The following MPRIP variants were observed in gnomAD, a reference collection of about 807,000 sequenced individuals.
MPRIP encodes the protein myosin phosphatase Rho interacting protein, also known as myosin phosphatase Rho-interacting protein.
Under a neutral mutation model 234.9 loss-of-function variants are expected in MPRIP, and 59 were observed. The observed-to-expected ratio is 0.25, with a 90% CI of 0.20 to 0.31. The LOEUF (loss-of-function observed/expected upper bound fraction) is 0.31. MPRIP is among the 10% of genes least tolerant of loss of function. MPRIP has a pLI of 1.00. For synonymous variants in MPRIP, 1,144 were observed against 1,263.9 expected (o/e 0.91, Z 2.01); for missense variants, 2,436 against 3,071.0 (o/e 0.79, Z 4.89).
intron 5 of MPRIP, among the ~76,000 whole-genome samples, chr17:17,132,286 A>T (rs2090612812): frequency 6.6e-6 from 1 of 151,846 alleles, no homozygotes; most frequent in African/African-American, 2.4e-5. Context: ...GCCTTACCAC[A>T]CTCCCCACGT....
At chr17:17,098,621 A>G (rs1294777541) in intron 3 of MPRIP, among the ~76,000 whole-genome samples, 1 of 152,212 alleles carries the variant, frequency 6.6e-6, no homozygotes, top group Admixed American at 6.5e-5. Context: ...AGGGGAAAAG[A>G]GCAAGAACCC....
In MPRIP at chr17:17,171,878, G is replaced by A; in HGVS notation, c.6472+13G>A. On this transcript the variant is annotated intron_variant, in intron 17 of 23. Transcript: ENST00000651222. Reference sequence around the variant, plus strand: ...GCCACCATCTCAGGTTGGGGGGTGGGGTAACCCTGAGGGCAGGGTGGGTGG... The same window carrying A: ...GCCACCATCTCAGGTTGGGGGGTGGAGTAACCCTGAGGGCAGGGTGGGTGG... 1 of 1,610,542 alleles carries A rather than the reference G, an allele frequency of 6.2e-7. No homozygotes were observed. Among genetic ancestry groups the A allele is most frequent in the Non-Finnish European group, 8.5e-7 (1 of 1,178,976 alleles).
At chr17:17,050,739 C>G (rs552300155) in intron 1 of MPRIP, among the ~76,000 whole-genome samples, 3 of 152,068 alleles carry the variant, frequency 2.0e-5, no homozygotes, top group South Asian at 4.2e-4. Context: ...CTTCTGGGCT[C>G]TGATCCCCAC....
Position 17,167,520 on chromosome 17 carries a change from C to G in MPRIP, c.5929C>G (p.Leu1977Val). Reference protein sequence around the residue: ...QAERSRVLSQLDASVRDRQDM... With the variant: ...QAERSRVLSQVDASVRDRQDM... ...TGAGCGCAGCCGGGTCCTGAGCCAG[C>G]TGGATGCCTCGGTCAGAGACAGGCA... is the stretch of plus-strand genomic sequence containing the variant. The change falls in exon 16 of 24, where the codon CTG (leucine) becomes GTG (valine). Residue 1977 changes from leucine to valine, a missense_variant. This residue lies in a region of MPRIP where 1,998 missense variants were observed against 2,520.3 expected (regional missense o/e 0.79). Transcript: ENST00000651222. The surrounding 1 kb of genome is among the most constrained non-coding windows in gnomAD (Gnocchi z 5.9). 3.8e-6 allele frequency: 5 copies of G among 1,304,184 alleles called. No homozygotes were observed. The highest frequency in any genetic ancestry group is 5.1e-6 in the Non-Finnish European group (5 of 988,944). 80.8% of individuals were successfully genotyped at this position (1,304,184 alleles called of 1,614,324 possible). A position where few individuals can be genotyped will look rare whatever the true frequency, so the allele number is the denominator to read the frequency against.
intron 16 of MPRIP, among the ~76,000 whole-genome samples, chr17:17,169,635 C>T (rs902942618): frequency 6.6e-5 from 10 of 152,256 alleles, no homozygotes; most frequent in African/African-American, 2.2e-4. Context: ...ATAGTGTCCC[C>T]TCCTGTGCCT....
At chr17:17,043,059 A>C (rs899481290) in intron 1 of MPRIP, 88 bp downstream of exon 1, 1 of 1,321,556 alleles carries the variant, frequency 7.6e-7, no homozygotes, top group Non-Finnish European at 1.1e-6. Flanking sequence ...AGGGAAAATA[A>C]AAATGGAGCA....
intron 3 of MPRIP, among the ~76,000 whole-genome samples, chr17:17,119,380 A>G (rs1597836004): frequency 6.6e-6 from 1 of 152,350 alleles, no homozygotes; most frequent in East Asian, 1.9e-4. Context: ...AGCCCTGCCT[A>G]CAGTTTCTCT....
At chr17:17,110,249 C>G (rs2090144067) in intron 3 of MPRIP, among the ~76,000 whole-genome samples, 1 of 152,142 alleles carries the variant, frequency 6.6e-6, no homozygotes, top group Admixed American at 6.5e-5. Flanking sequence ...ACAAGGCCCT[C>G]CCCAGATGAG....
chr17:17,110,255 A>T (rs1322912028), intron 3 of MPRIP, among the ~76,000 whole-genome samples: 2 of 152,146 alleles, frequency 1.3e-5, no homozygotes, highest in Non-Finnish European at 2.9e-5. Flanking sequence ...CCCTCCCCAG[A>T]TGAGATCCCC....
At chr17:17,123,292 A>C (rs774851252) in intron 3 of MPRIP, among the ~76,000 whole-genome samples, 1 of 152,210 alleles carries the variant, frequency 6.6e-6, no homozygotes, top group Non-Finnish European at 1.5e-5. Flanking sequence ...CTCTGTGAAC[A>C]TGATGCTAAA....
At chr17:17,090,282 A>G (rs2089684266) in intron 3 of MPRIP, among the ~76,000 whole-genome samples, 1 of 152,214 alleles carries the variant, frequency 6.6e-6, no homozygotes, top group Non-Finnish European at 1.5e-5. Context: ...GCACTAAGGC[A>G]GGCTTGTCCC....
chr17:17,182,625 C>T (rs1310766564), intron 23 of MPRIP: 1 of 152,224 alleles, frequency 6.6e-6, no homozygotes, highest in Non-Finnish European at 1.5e-5. Flanking sequence ...ACTTCCCACC[C>T]TTGGAATTGT....
At chr17:17,136,493 T>C (rs912196207) in intron 6 of MPRIP, 43 bp downstream of exon 6, 30 of 1,552,326 alleles carry the variant, frequency 1.9e-5, no homozygotes, top group Non-Finnish European at 2.6e-5. Flanking sequence ...GGAATGGCCC[T>C]CCCTCCCATC....
rs751544547 is a variant in MPRIP at position 17,185,566 on chromosome 17, G to T, written c.*672G>T. 1 of 453,994 alleles carries T rather than the reference G, an allele frequency of 2.2e-6. No homozygotes were observed. The highest frequency in any genetic ancestry group is 4.4e-6 in the Non-Finnish European group (1 of 226,754). The allele number at this position is 453,994 out of a possible 1,614,324, so 28.1% of individuals were successfully genotyped here. On this transcript the variant is annotated 3_prime_UTR_variant, in exon 24 of 24. Transcript: ENST00000651222. ...TTATTAAATCTTGCACAAAATCCCC[G>T]GCCCCTCTCCTTCCTTCCTTCCTTC...
intron 3 of MPRIP, among the ~76,000 whole-genome samples, chr17:17,083,179 A>C (rs543955779): frequency 6.6e-6 from 1 of 152,350 alleles, no homozygotes; most frequent in South Asian, 2.1e-4. Context: ...CTCAGCTCAC[A>C]TCCTCGGACA....
rs779937244 is a variant in MPRIP, at chr17:17,174,057, G to C, written c.6732G>C (p.Glu2244Asp). 5.6e-6 allele frequency: 9 copies of C among 1,613,378 alleles called. No individual in the cohort carries two copies. The highest frequency in any genetic ancestry group is 7.6e-6 in the Non-Finnish European group (9 of 1,179,978). Residue 2244 changes from glutamate (E) to aspartate (D), a missense_variant, in exon 19 of 24, where the codon GAG (glutamate) becomes GAC (aspartate). Coordinates refer to ENST00000651222, the MANE Select transcript of MPRIP (RefSeq NM_001364716.4). ...ALRQCQRENQ[E>D]LNAHNQELNN... ...GGCAGTGCCAGCGTGAGAACCAGGAGCTCAATGCCCACAACCAGGTGAGCC... is the reference window on the plus strand; with the variant it reads ...GGCAGTGCCAGCGTGAGAACCAGGACCTCAATGCCCACAACCAGGTGAGCC...
chr17:17,097,206 A>G (rs868097787), intron 3 of MPRIP: 51 of 196,896 alleles, frequency 2.6e-4, no homozygotes, highest in African/African-American at 3.9e-4. Context: ...AAAATTGCCT[A>G]TTAAACCCCA....
In MPRIP at chr17:17,188,056, C is replaced by T. The variant is rs1253331673; in HGVS notation, c.*3162C>T. The T allele has an allele frequency of 2.0e-5, 3 of 152,228 alleles. No homozygotes were observed. Among genetic ancestry groups the T allele is most frequent in the Non-Finnish European group, 2.9e-5 (2 of 68,046 alleles). 9.4% of individuals were successfully genotyped at this position (152,228 alleles called of 1,614,324 possible). A position where few individuals can be genotyped will look rare whatever the true frequency, so the allele number is the denominator to read the frequency against. On this transcript the variant is annotated 3_prime_UTR_variant, in exon 24 of 24. Coordinates refer to ENST00000651222, the MANE Select transcript of MPRIP (RefSeq NM_001364716.4). ...TGTGGGTAATTACCTTGTGTGCACGCCTGCACGTGCAGAATAGTCACTTTC... is the reference window on the plus strand; with the variant it reads ...TGTGGGTAATTACCTTGTGTGCACGTCTGCACGTGCAGAATAGTCACTTTC...
At chr17:17,160,686 T>C (rs1347608175) in intron 14 of MPRIP, among the ~76,000 whole-genome samples, 1 of 152,234 alleles carries the variant, frequency 6.6e-6, no homozygotes, top group Non-Finnish European at 1.5e-5. Context: ...GAATCCATCA[T>C]GTAAAGCTGG....
Sources: gnomAD v4.1 joint callset for allele counts (sites outside exome capture counted in the v4.1 genomes callset) on GRCh38, gnomAD v4.1.1 for gene constraint, gnomAD v4.1.1 regional missense constraint, Gnocchi (gnomAD v3.1) non-coding constraint, MANE v1.5 for transcripts, NCBI Gene and HGNC (gene_info 2026-07-23, HGNC 2026-07-21) for gene names.